Variants in GLI3 observed in about 807,000 individuals in gnomAD.
GLI3 encodes GLI family zinc finger 3.
GLI3 carries 20 observed loss-of-function variants against 100.8 expected under a neutral mutation model. That is an observed-to-expected ratio of 0.20 (90% CI 0.14 to 0.29). The LOEUF (loss-of-function observed/expected upper bound fraction) is 0.29, where lower values mean the gene tolerates loss of function less well. Ranked by LOEUF, GLI3 falls within the 10% of genes least tolerant of loss-of-function variation. The probability of loss-of-function intolerance (pLI) is 1.00; values close to 1 mark genes in which losing one functional copy is unlikely to be tolerated. For missense variants in GLI3, 2,040 were observed against 2,128.5 expected, an observed-to-expected ratio of 0.96 and a Z score of 0.82; for synonymous variants, 938 against 860.5, an observed-to-expected ratio of 1.09 and a Z score of -1.58.
intron 7 of GLI3, among the ~76,000 whole-genome samples, chr7:42,038,028 G>A (rs1306118618): frequency 6.6e-6 from 1 of 152,238 alleles, no homozygotes; most frequent in Non-Finnish European, 1.5e-5. Context: ...AGAAACAAGA[G>A]AAGTGAATGT....
intron 10 of GLI3, among the ~76,000 whole-genome samples, chr7:42,012,204 A>C (rs186386732): frequency 6.6e-4 from 101 of 152,316 alleles, no homozygotes; most frequent in African/African-American, 2.3e-3. Context: ...TCTAATAGCC[A>C]TTTTTATTTA....
In GLI3 at chr7:42,253,628, C is replaced by T. The variant is rs146964746; in HGVS notation, c.-43+10366G>A. Reference sequence around the variant, plus strand: ...ACTGCTTAGGTTTGAATCCCAGTTTCTCCTCTTCCCACTCTGTGTCTTTTG... The same window carrying T: ...ACTGCTTAGGTTTGAATCCCAGTTTTTCCTCTTCCCACTCTGTGTCTTTTG... On this transcript the variant is annotated intron_variant, in intron 1 of 2. Transcript: ENST00000678978. Among the ~76,000 whole-genome samples the T allele has an allele frequency of 1.3e-3, 204 of 152,332 alleles. 2 individuals are homozygous for T. Among genetic ancestry groups the T allele is most frequent in the Middle Eastern group, 6.8e-3 (2 of 294 alleles).
chr7:42,228,632 A>G (rs1788632736), intron 1 of GLI3, among the ~76,000 whole-genome samples: 1 of 152,190 alleles, frequency 6.6e-6, no homozygotes, highest in African/African-American at 2.4e-5. Flanking sequence ...GCAACCTTCC[A>G]GGTACTTTGC....
At chr7:42,201,367 GA>G (rs1286629475) in intron 2 of GLI3, among the ~76,000 whole-genome samples, 3 of 152,312 alleles carry the variant, frequency 2.0e-5, no homozygotes, top group Admixed American at 1.3e-4. Context: ...GCAATTGACA[GA>G]ATCAGTCCAT....
Position 41,961,768 on chromosome 7 carries a change from A to G in GLI3, c.*2562T>C, listed in dbSNP as rs1191747043. 6.6e-6 allele frequency: 1 copy of G among 152,162 alleles called. No homozygotes were observed. The highest frequency in any genetic ancestry group is 1.9e-4 in the East Asian group (1 of 5,180). The allele number at this position is 152,162 out of a possible 1,614,324, so 9.4% of individuals were successfully genotyped here. Reference sequence around the variant, plus strand: ...ACAGAGATCCCAAAAGGATGTCCCAAAAAGATGCTTCTAAGTGACCTCAAA... The same window carrying G: ...ACAGAGATCCCAAAAGGATGTCCCAGAAAGATGCTTCTAAGTGACCTCAAA... On this transcript the variant is annotated 3_prime_UTR_variant, in exon 15 of 15. Coordinates refer to ENST00000395925, the MANE Select transcript of GLI3 (RefSeq NM_000168.6).
chr7:42,089,569 T>C (rs551646347), intron 3 of GLI3, among the ~76,000 whole-genome samples: 1 of 152,306 alleles, frequency 6.6e-6, no homozygotes, highest in South Asian at 2.1e-4. Flanking sequence ...AAAGGCCAAA[T>C]ACTCAGCACA....
intron 3 of GLI3, among the ~76,000 whole-genome samples, chr7:42,126,667 T>C (rs1011320641): frequency 6.6e-6 from 1 of 152,220 alleles, no homozygotes; most frequent in Non-Finnish European, 1.5e-5. Context: ...CCATATGATA[T>C]ATCCTGCAAG....
chr7:42,127,784 G>A (rs1258387362), intron 3 of GLI3, among the ~76,000 whole-genome samples: 1 of 152,184 alleles, frequency 6.6e-6, no homozygotes, highest in Non-Finnish European at 1.5e-5. Flanking sequence ...CAAGGCAGCA[G>A]ATTGCTTGAG....
chr7:42,114,478 C>G lies in GLI3; in HGVS notation c.367+33748G>C, dbSNP rs80087238. Among the ~76,000 whole-genome samples, 1,472 of 151,946 alleles carry G rather than the reference C, an allele frequency of 9.7e-3. 30 individuals carry two copies. Among genetic ancestry groups the G allele is most frequent in the African/African-American group, 0.034 (1,403 of 41,424 alleles). On this transcript the variant is annotated intron_variant, in intron 3 of 14. Transcript: ENST00000395925. ...AAATACAGAAGTGCTTTCTCAATAG[C>G]AGGTGTGTGTGAAGGATTGAATTGG...
At chr7:41,974,687 T>C (rs1225826528) in intron 12 of GLI3, among the ~76,000 whole-genome samples, 2 of 152,254 alleles carry the variant, frequency 1.3e-5, no homozygotes, top group South Asian at 4.1e-4. Flanking sequence ...AGATTCTATA[T>C]CTGGGCTTAA....
At chr7:42,077,622 C>A (rs982618771) in intron 3 of GLI3, among the ~76,000 whole-genome samples, 1 of 151,894 alleles carries the variant, frequency 6.6e-6, no homozygotes, top group African/African-American at 2.4e-5. Context: ...CCCAGTCCAA[C>A]GCTCCGGGTT....
At chr7:42,226,545 C>G (rs1788585653) in intron 1 of GLI3, among the ~76,000 whole-genome samples, 1 of 152,154 alleles carries the variant, frequency 6.6e-6, no homozygotes, top group Admixed American at 6.5e-5. Context: ...ATTCCTACCC[C>G]CGTCTGAAAT....
chr7:42,076,502 A>G (rs925056526), intron 4 of GLI3, among the ~76,000 whole-genome samples: 2 of 152,252 alleles, frequency 1.3e-5, no homozygotes, highest in East Asian at 3.8e-4. Context: ...TACAGCCCAC[A>G]GAACACACGT....
chr7:41,974,886 T>C (rs1391890345), intron 12 of GLI3, among the ~76,000 whole-genome samples: 3 of 152,354 alleles, frequency 2.0e-5, no homozygotes, highest in South Asian at 4.1e-4. Context: ...CACCTAAGCA[T>C]GGCAGTGCAC....
intron 2 of GLI3, among the ~76,000 whole-genome samples, chr7:42,209,305 C>T (rs980018464): frequency 6.6e-6 from 1 of 152,140 alleles, no homozygotes; most frequent in African/African-American, 2.4e-5. Context: ...CCTTCCTTGG[C>T]CTCCCAAAGT....
chr7:42,074,636 C>T (rs563581465), intron 4 of GLI3, among the ~76,000 whole-genome samples: 41 of 152,176 alleles, frequency 2.7e-4, no homozygotes, highest in Admixed American at 5.2e-4. Context: ...CGTGACATGC[C>T]CCAGCTTGCT....
At chr7:42,181,897 T>C (rs528893739) in intron 2 of GLI3, among the ~76,000 whole-genome samples, 1 of 152,336 alleles carries the variant, frequency 6.6e-6, no homozygotes, top group South Asian at 2.1e-4. Context: ...CAGGAACTAG[T>C]TGCCTGGGCC....
chr7:42,100,676 A>C (rs1430565137), intron 3 of GLI3, among the ~76,000 whole-genome samples: 1 of 151,954 alleles, frequency 6.6e-6, no homozygotes, highest in Non-Finnish European at 1.5e-5. Flanking sequence ...CAGGGGGCGA[A>C]GGTTTCAGTG....
rs915170236 is a variant in GLI3, at chr7:42,095,769, T to C, written c.368-18912A>G. Among the ~76,000 whole-genome samples, 8 of 152,120 alleles carry C rather than the reference T, an allele frequency of 5.3e-5. 1 individual carries two copies. Among genetic ancestry groups the C allele is most frequent in the Non-Finnish European group, 8.8e-5 (6 of 68,022 alleles). ...GAGGTGACCACCACAGCCAGGCTCC[T>C]GGTAGATGTCTGGAGGGAGGTGGAT... On this transcript the variant is annotated intron_variant, in intron 3 of 14. Transcript: ENST00000395925.
Sources: allele counts gnomAD v4.1 joint callset (sites outside exome capture counted in the v4.1 genomes callset), GRCh38; gene constraint gnomAD v4.1.1; transcripts MANE v1.5; gene names NCBI Gene and HGNC (gene_info 2026-07-23, HGNC 2026-07-21).